Variants in PLEKHA1 observed in about 807,000 individuals in gnomAD.
PLEKHA1 encodes the protein pleckstrin homology domain containing A1, also known as pleckstrin homology domain-containing family A member 1.
PLEKHA1 carries 34 observed loss-of-function variants against 52.0 expected under a neutral mutation model. The ratio of observed to expected loss-of-function variants is 0.65; its 90% CI spans 0.50 to 0.87. The LOEUF (loss-of-function observed/expected upper bound fraction) is 0.87. Ranked by LOEUF, PLEKHA1 falls within the 40% of genes least tolerant of loss-of-function variation. The pLI, the probability that PLEKHA1 is intolerant of heterozygous loss-of-function variation, is 0.00. For synonymous variants in PLEKHA1, 163 were observed against 170.7 expected, an observed-to-expected ratio of 0.95 and a Z score of 0.35; for missense variants, 497 against 504.2, an observed-to-expected ratio of 0.99 and a Z score of 0.14.
At chr10:122,391,587 A>G (rs2096776286) in intron 1 of PLEKHA1, among the ~76,000 whole-genome samples, 1 of 152,130 alleles carries the variant, frequency 6.6e-6, no homozygotes, top group African/African-American at 2.4e-5. Context: ...TATAGGTTGA[A>G]ATCAGTTGAC....
intron 2 of PLEKHA1, among the ~76,000 whole-genome samples, 189 bp from the exon 3 acceptor site, chr10:122,397,729 A>G (rs2096870798): frequency 6.6e-6 from 1 of 152,116 alleles, no homozygotes; most frequent in Non-Finnish European, 1.5e-5. Flanking sequence ...AGTAGGATTC[A>G]GTTTTGTTAT....
At chr10:122,425,253 T>C in intron 10 of PLEKHA1, 1 of 231,920 alleles carries the variant, frequency 4.3e-6, no homozygotes, top group Non-Finnish European at 8.3e-6. Flanking sequence ...TTTGCACATG[T>C]TTTAGAATTT....
chr10:122,441,059 G>A, the PLEKHA1 span: 2 of 152,140 alleles, frequency 1.3e-5, no homozygotes, highest in Admixed American at 6.5e-5. Flanking sequence ...ACATTACTGA[G>A]AACTTGCTAG....
intron 11 of PLEKHA1, among the ~76,000 whole-genome samples, chr10:122,428,596 C>T (rs774902450): frequency 6.6e-6 from 1 of 152,150 alleles, no homozygotes; most frequent in Non-Finnish European, 1.5e-5. Flanking sequence ...TACTCAACTG[C>T]TGCAAGAGTT....
chr10:122,428,343 G>A (rs1481881117), intron 11 of PLEKHA1: 3 of 1,545,328 alleles, frequency 1.9e-6, no homozygotes, highest in Admixed American at 2.0e-5. Flanking sequence ...GGTGAATGCA[G>A]CACGTATGTG....
chr10:122,396,940 C>G (rs1328489409), intron 2 of PLEKHA1, among the ~76,000 whole-genome samples: 1 of 152,008 alleles, frequency 6.6e-6, no homozygotes, highest in Non-Finnish European at 1.5e-5. Flanking sequence ...AATTTTGATT[C>G]CAGATCTGCT....
intron 11 of PLEKHA1, 80 bp downstream of exon 11, chr10:122,427,111 G>A (rs1000480796): frequency 1.6e-5 from 21 of 1,308,768 alleles, no homozygotes; most frequent in South Asian, 1.1e-4. Flanking sequence ...AATCCATCCG[G>A]TTTCTTTCTT....
At chr10:122,375,313 C>T (rs1565084361) in intron 1 of PLEKHA1, among the ~76,000 whole-genome samples, 1 of 152,216 alleles carries the variant, frequency 6.6e-6, no homozygotes, top group African/African-American at 2.4e-5. Context: ...GGCATCCTTT[C>T]CTGGTGTTTA....
intron 1 of PLEKHA1, chr10:122,386,781 C>T (rs954560445): frequency 3.3e-5 from 5 of 152,072 alleles, no homozygotes; most frequent in African/African-American, 1.2e-4. Flanking sequence ...TTTAAAAGAC[C>T]GGTGTTATTT....
intron 1 of PLEKHA1, among the ~76,000 whole-genome samples, chr10:122,382,737 T>A (rs2096632035): frequency 6.6e-6 from 1 of 152,228 alleles, no homozygotes; most frequent in Admixed American, 6.5e-5. Context: ...TGTTTGTACC[T>A]CTTTTCTCTC....
In PLEKHA1 at chr10:122,424,170, T is replaced by TG. The variant is rs768345991; in HGVS notation, c.682-28dup. 3.8e-5 allele frequency: 52 copies of TG among 1,376,432 alleles called. No individual in the cohort carries two copies. In the East Asian group the frequency reaches 1.3e-3, roughly 34 times the overall value. 85.3% of individuals were successfully genotyped at this position (1,376,432 alleles called of 1,614,324 possible). On this transcript the variant is annotated intron_variant, in intron 8 of 11. Coordinates refer to ENST00000368990, the MANE Select transcript of PLEKHA1 (RefSeq NM_001001974.4). ...ATTTTAAGAATAAACATCATGTAACTGTTTTTTTTTTTTTTTTTTTTTTGC... is the reference window on the plus strand; with the variant it reads ...ATTTTAAGAATAAACATCATGTAACTGGTTTTTTTTTTTTTTTTTTTTTTGC...
chr10:122,425,921 A>T (rs2097332263), intron 10 of PLEKHA1, among the ~76,000 whole-genome samples: 1 of 152,132 alleles, frequency 6.6e-6, no homozygotes, highest in Non-Finnish European at 1.5e-5. Flanking sequence ...GTGGGGTCAT[A>T]CTAAATATAG....
downstream of PLEKHA1, chr10:122,436,998 T>C (rs1352841152): frequency 6.7e-6 from 1 of 149,708 alleles, no homozygotes; most frequent in Non-Finnish European, 1.5e-5. Context: ...TCAGCCTTTT[T>C]TTTTTTTTTT....
At chr10:122,398,875 A>G (rs975008781) in intron 3 of PLEKHA1, among the ~76,000 whole-genome samples, 3 of 152,168 alleles carry the variant, frequency 2.0e-5, no homozygotes, top group African/African-American at 7.2e-5. Context: ...AAAGAAAAGA[A>G]AAGAGCCCTT....
chr10:122,404,746 A>G (rs1376216331), intron 4 of PLEKHA1, among the ~76,000 whole-genome samples: 1 of 152,206 alleles, frequency 6.6e-6, no homozygotes, highest in Non-Finnish European at 1.5e-5. Flanking sequence ...TTAAGGTTAT[A>G]GACTGGTTGT....
chr10:122,394,140 T>C (rs2096817867), intron 2 of PLEKHA1, among the ~76,000 whole-genome samples: 1 of 146,444 alleles, frequency 6.8e-6, no homozygotes. Flanking sequence ...AGCGGTATGA[T>C]TTTGACTCAC....
intron 7 of PLEKHA1, among the ~76,000 whole-genome samples, chr10:122,416,489 A>C (rs559131166): frequency 1.3e-5 from 2 of 152,264 alleles, no homozygotes; most frequent in South Asian, 4.1e-4. Context: ...ATATCATATA[A>C]AACCTACCAT....
intron 1 of PLEKHA1, among the ~76,000 whole-genome samples, chr10:122,385,459 A>T (rs754570996): frequency 5.9e-5 from 9 of 151,690 alleles, no homozygotes; most frequent in African/African-American, 9.7e-5. Context: ...CTGGGATTAG[A>T]GCATGCACCA....
intron 8 of PLEKHA1, chr10:122,420,255 A>G (rs1168917673): frequency 6.6e-6 from 1 of 152,256 alleles, no homozygotes; most frequent in African/African-American, 2.4e-5. Flanking sequence ...TAACCAGTTT[A>G]TCTTGTCTAT....
Sources: allele counts gnomAD v4.1 joint callset (sites outside exome capture counted in the v4.1 genomes callset), GRCh38; gene constraint gnomAD v4.1.1; transcripts MANE v1.5; gene names NCBI Gene and HGNC (gene_info 2026-07-23, HGNC 2026-07-21).